SGCZ: variants seen among roughly 807,000 people sequenced by gnomAD.
SGCZ encodes the protein zeta-sarcoglycan.
SGCZ carries 40 observed loss-of-function variants against 41.3 expected under a neutral mutation model. The ratio of observed to expected loss-of-function variants is 0.97; its 90% CI spans 0.75 to 1.26. SGCZ has a LOEUF of 1.26. SGCZ is among the 50% of genes most tolerant of loss of function. The pLI is 0.00. For missense variants in SGCZ, 552 were observed against 369.8 expected (o/e 1.49, Z -4.04); for synonymous variants, 206 against 137.5 (o/e 1.50, Z -3.49).
At chr8:15,235,277 C>T (rs565315722) in intron 1 of SGCZ, among the ~76,000 whole-genome samples, 11 of 152,294 alleles carry the variant, frequency 7.2e-5, no homozygotes, top group East Asian at 5.8e-4. Flanking sequence ...CCACAGCCTT[C>T]GTATTCCACA....
At chr8:14,212,285 C>A (rs765868203) in intron 4 of SGCZ, among the ~76,000 whole-genome samples, 1 of 151,974 alleles carries the variant, frequency 6.6e-6, no homozygotes, top group Non-Finnish European at 1.5e-5. Flanking sequence ...AGTGAAAAAC[C>A]TACCAGGGGA....
chr8:14,511,504 T>G (rs1802467533), intron 2 of SGCZ, among the ~76,000 whole-genome samples: 2 of 151,988 alleles, frequency 1.3e-5, no homozygotes, highest in Admixed American at 1.3e-4. Flanking sequence ...CCAAAACTGC[T>G]TAAGAAGGTT....
At chr8:14,972,355 AT>A (rs546254207) in intron 1 of SGCZ, among the ~76,000 whole-genome samples, 1 of 150,360 alleles carries the variant, frequency 6.7e-6, no homozygotes, top group Non-Finnish European at 1.5e-5. Context: ...TAGTTGATTG[AT>A]TTTCTTTTTT....
At chr8:14,579,194 A>T (rs1430424961) in intron 1 of SGCZ, among the ~76,000 whole-genome samples, 2 of 152,198 alleles carry the variant, frequency 1.3e-5, no homozygotes, top group African/African-American at 4.8e-5. Context: ...AAATGTCAAC[A>T]GCCAATGTTA....
intron 3 of SGCZ, among the ~76,000 whole-genome samples, chr8:14,241,403 G>C (rs1798884341): frequency 6.7e-6 from 1 of 148,354 alleles, no homozygotes; most frequent in Admixed American, 6.8e-5. Flanking sequence ...CTACTATAAA[G>C]ATATAATATT....
At chr8:14,105,115 C>G (rs1802162110) in intron 6 of SGCZ, among the ~76,000 whole-genome samples, 1 of 151,946 alleles carries the variant, frequency 6.6e-6, no homozygotes, top group Admixed American at 6.6e-5. Context: ...AACTATTTAA[C>G]ATGTTTTTTT....
intron 3 of SGCZ, among the ~76,000 whole-genome samples, chr8:14,286,572 T>A (rs1339344791): frequency 1.3e-5 from 2 of 152,134 alleles, no homozygotes; most frequent in African/African-American, 4.8e-5. Flanking sequence ...CCAGATATTA[T>A]GGAATTTCTT....
At chr8:14,133,323 C>A (rs1028156871) in intron 5 of SGCZ, among the ~76,000 whole-genome samples, 1 of 152,170 alleles carries the variant, frequency 6.6e-6, no homozygotes, top group Non-Finnish European at 1.5e-5. Flanking sequence ...TCCATTTAAT[C>A]TTTTAACCTA....
chr8:14,372,840 A>C (rs1332572572), intron 2 of SGCZ, among the ~76,000 whole-genome samples: 1 of 152,050 alleles, frequency 6.6e-6, no homozygotes, highest in African/African-American at 2.4e-5. Flanking sequence ...AGGTGATGAG[A>C]CGTGTTGTAG....
intron 5 of SGCZ, among the ~76,000 whole-genome samples, chr8:14,159,706 C>T (rs192988692): frequency 5.9e-5 from 9 of 152,240 alleles, no homozygotes; most frequent in African/African-American, 1.4e-4. Flanking sequence ...TTGAACAAAG[C>T]GGCTCCATCC....
intron 4 of SGCZ, among the ~76,000 whole-genome samples, chr8:14,188,816 G>GT (rs1275943373): frequency 2.4e-4 from 5 of 20,668 alleles, no homozygotes; most frequent in South Asian, 1.8e-3. Context: ...TTGTTTGTTT[G>GT]TTTCTTTGTT....
At chr8:14,311,861 TAA>T (rs1225530745) in intron 3 of SGCZ, among the ~76,000 whole-genome samples, 1 of 152,176 alleles carries the variant, frequency 6.6e-6, no homozygotes, top group Non-Finnish European at 1.5e-5. Flanking sequence ...ACTTAATATA[TAA>T]GAGGCAGTGT....
chr8:14,496,484 T>C (rs1357756002), intron 2 of SGCZ, among the ~76,000 whole-genome samples: 1 of 152,136 alleles, frequency 6.6e-6, no homozygotes, highest in Non-Finnish European at 1.5e-5. Flanking sequence ...ATTTGGTGCA[T>C]CTTACTACCT....
rs180787830 is a variant in SGCZ at position 14,372,657 on chromosome 8, G to T, written c.235-48453C>A. Among the ~76,000 whole-genome samples, 830 of 152,252 alleles carry T rather than the reference G, an allele frequency of 5.5e-3. 4 individuals carry two copies. Among genetic ancestry groups the T allele is most frequent in the Admixed American group, 0.013 (199 of 15,284 alleles). On this transcript the variant is annotated intron_variant, in intron 2 of 7. Coordinates refer to ENST00000382080, the MANE Select transcript of SGCZ (RefSeq NM_139167.4). ...TTGAACAAATAACTGAAGAGGGCAA[G>T]GGAGTGACTCCTGTAGAATTTTGGA...
chr8:14,838,155 A>G (rs1802768432), intron 1 of SGCZ, among the ~76,000 whole-genome samples: 1 of 152,164 alleles, frequency 6.6e-6, no homozygotes, highest in African/African-American at 2.4e-5. Context: ...TGGTTACCAG[A>G]AGCTAGGAAG....
chr8:15,082,405 TACAC>T (rs1462045026), intron 1 of SGCZ, among the ~76,000 whole-genome samples: 1 of 147,724 alleles, frequency 6.8e-6, no homozygotes, highest in Non-Finnish European at 1.5e-5. Flanking sequence ...TACACACATA[TACAC>T]ACACACATAT....
chr8:14,096,887 T>C (rs1407134786), intron 7 of SGCZ, among the ~76,000 whole-genome samples: 1 of 152,176 alleles, frequency 6.6e-6, no homozygotes, highest in African/African-American at 2.4e-5. Context: ...CTAATTTATT[T>C]GTTTAGAGGT....
intron 1 of SGCZ, among the ~76,000 whole-genome samples, chr8:14,589,411 A>G (rs1805170367): frequency 6.6e-6 from 1 of 152,086 alleles, no homozygotes; most frequent in Admixed American, 6.6e-5. Context: ...TTTCCTAATA[A>G]TACCAACCAA....
chr8:14,769,722 G>C (rs113552728), intron 1 of SGCZ, among the ~76,000 whole-genome samples: 1 of 149,004 alleles, frequency 6.7e-6, no homozygotes, highest in African/African-American at 2.5e-5. Context: ...TTAAACCTGG[G>C]AGGCAGAGGT....
Sources: allele counts gnomAD v4.1 joint callset (sites outside exome capture counted in the v4.1 genomes callset), GRCh38; gene constraint gnomAD v4.1.1; transcripts MANE v1.5; gene names NCBI Gene and HGNC (gene_info 2026-07-23, HGNC 2026-07-21).